Variants in DOCK4 observed in about 807,000 individuals in gnomAD.
DOCK4 encodes the protein dedicator of cytokinesis 4, also known as dedicator of cytokinesis protein 4.
Under a neutral mutation model 268.1 loss-of-function variants are expected in DOCK4, and 97 were observed. The observed-to-expected ratio is 0.36, with a 90% CI of 0.31 to 0.43. The LOEUF (loss-of-function observed/expected upper bound fraction) is 0.43. DOCK4 is among the 20% of genes least tolerant of loss of function. The pLI is 1.00. For synonymous variants in DOCK4, 954 were observed against 887.2 expected, an observed-to-expected ratio of 1.08 and a Z score of -1.34; for missense variants, 2,145 against 2,455.7, an observed-to-expected ratio of 0.87 and a Z score of 2.67.
At chr7:111,777,427 G>C (rs1342261807) in intron 36 of DOCK4, among the ~76,000 whole-genome samples, 1 of 151,976 alleles carries the variant, frequency 6.6e-6, no homozygotes, top group Non-Finnish European at 1.5e-5. Context: ...TAATAGAAAT[G>C]GTAAACATCT....
intron 28 of DOCK4, among the ~76,000 whole-genome samples, chr7:111,810,017 A>C (rs980436726): frequency 1.6e-4 from 24 of 152,298 alleles, no homozygotes; most frequent in East Asian, 9.6e-4. Context: ...AATGGAAGGA[A>C]CACACTTCTC....
In DOCK4 at chr7:112,151,445, G is replaced by A. The variant is rs970254886; in HGVS notation, c.37+54657C>T. On this transcript the variant is annotated intron_variant, in intron 1 of 52. Coordinates refer to ENST00000428084, the MANE Select transcript of DOCK4 (RefSeq NM_001363540.2). The stretch of plus-strand genomic sequence containing the variant: ...GAGAGTGAGTCAGTGGCATACCCAC[G>A]GCACCACAGTTGTCACACAGCTAGG... Among the ~76,000 whole-genome samples, 8 of 152,060 alleles carry A rather than the reference G, an allele frequency of 5.3e-5. No individual in the cohort carries two copies. The East Asian group carries it at 7.7e-4, about 15-fold the overall frequency.
intron 1 of DOCK4, among the ~76,000 whole-genome samples, chr7:112,101,487 T>C (rs1217616062): frequency 1.3e-5 from 2 of 152,218 alleles, no homozygotes; most frequent in Non-Finnish European, 2.9e-5. Flanking sequence ...TTACAAAGGC[T>C]ACCAATCAGA....
chr7:111,826,336 T>G (rs1802383468), intron 26 of DOCK4, among the ~76,000 whole-genome samples: 2 of 152,188 alleles, frequency 1.3e-5, no homozygotes, highest in South Asian at 4.1e-4. Context: ...TTTTCCATAG[T>G]AAGGAGTCTG....
chr7:112,094,895 C>T (rs756540410), intron 1 of DOCK4, among the ~76,000 whole-genome samples: 5 of 152,288 alleles, frequency 3.3e-5, no homozygotes, highest in South Asian at 2.1e-4. Context: ...CTCCTCCATT[C>T]GTCTTTTGCC....
chr7:112,130,628 G>T (rs1242497087), intron 1 of DOCK4, among the ~76,000 whole-genome samples: 1 of 152,170 alleles, frequency 6.6e-6, no homozygotes, highest in Non-Finnish European at 1.5e-5. Flanking sequence ...AATCTCAAGA[G>T]CAGGTTGAAT....
chr7:112,136,169 G>A (rs1814325579), intron 1 of DOCK4, among the ~76,000 whole-genome samples: 1 of 152,042 alleles, frequency 6.6e-6, no homozygotes, highest in Non-Finnish European at 1.5e-5. Context: ...AAGCTCTGAA[G>A]ACAATAAAAA....
intron 13 of DOCK4, 63 bp downstream of exon 13, chr7:111,915,716 C>T (rs1263983882): frequency 1.9e-6 from 3 of 1,556,796 alleles, no homozygotes; most frequent in East Asian, 4.6e-5. Flanking sequence ...AAAAATTTCT[C>T]AAACATCAAA....
chr7:111,793,660 T>C (rs112482640), intron 30 of DOCK4, among the ~76,000 whole-genome samples: 2,386 of 152,310 alleles, frequency 0.016, 40 homozygotes, highest in Admixed American at 0.06. Context: ...GGAAAAATAC[T>C]TGTAAATAGC....
At chr7:111,791,276 T>TACACAC (rs147004808) in intron 30 of DOCK4, among the ~76,000 whole-genome samples, 1,484 of 134,818 alleles carry the variant, frequency 0.011, 13 homozygotes, top group African/African-American at 0.016. Flanking sequence ...ATTTAAAAAA[T>TACACAC]ACACACACAC....
intron 1 of DOCK4, among the ~76,000 whole-genome samples, chr7:112,204,378 T>G (rs367748386): frequency 6.6e-6 from 1 of 152,216 alleles, no homozygotes; most frequent in African/African-American, 2.4e-5. Context: ...CTGAGCTTCC[T>G]GCACTGAGTG....
At chr7:111,749,904 C>G (rs189422906) in intron 42 of DOCK4, among the ~76,000 whole-genome samples, 4 of 152,142 alleles carry the variant, frequency 2.6e-5, no homozygotes, top group Non-Finnish European at 5.9e-5. Flanking sequence ...ACGATATATC[C>G]CATTGCTGAG....
Position 111,877,116 on chromosome 7 carries a change from A to T in DOCK4, c.1658T>A (p.Leu553His), listed in dbSNP as rs1401502385. 6.3e-7 allele frequency: 1 copy of T among 1,593,718 alleles called. No homozygotes were observed. Among genetic ancestry groups the T allele is most frequent in the South Asian group, 1.1e-5 (1 of 87,258 alleles). Residue 553 changes from leucine to histidine, a missense_variant, in exon 17 of 53, where the codon CTT becomes CAT. By Grantham distance (99) the Leu-to-His change is moderately conservative (BLOSUM62 -3). Around this residue, in one of 2 missense-constraint regions of DOCK4, gnomAD observed 1,598 missense variants for 1,986.7 expected, o/e 0.80. Transcript: ENST00000428084. Reference sequence around the variant, plus strand: ...CTTCATGGCTTGATTATTATTCCCAAGGAAAATGCCCTTGGAAAAGGGAAG... The same window carrying T: ...CTTCATGGCTTGATTATTATTCCCATGGAAAATGCCCTTGGAAAAGGGAAG... ...LKLPFSKGIF[L>H]GNNNQAMKAT...
At chr7:112,107,627 T>C (rs1422730047) in intron 1 of DOCK4, among the ~76,000 whole-genome samples, 2 of 152,176 alleles carry the variant, frequency 1.3e-5, no homozygotes, top group Non-Finnish European at 2.9e-5. Context: ...GAACTAATAA[T>C]GCATACTATA....
intron 16 of DOCK4, among the ~76,000 whole-genome samples, chr7:111,890,322 A>C (rs1175045624): frequency 6.6e-6 from 1 of 152,224 alleles, no homozygotes; most frequent in Non-Finnish European, 1.5e-5. Context: ...AAAGTTAAGG[A>C]AGACAATAAT....
intron 1 of DOCK4, among the ~76,000 whole-genome samples, chr7:112,161,391 T>C (rs893165895): frequency 6.6e-6 from 1 of 152,028 alleles, no homozygotes; most frequent in African/African-American, 2.4e-5. Context: ...AGACACATAG[T>C]AATGGGAAGG....
At chr7:112,176,965 A>T (rs1423467107) in intron 1 of DOCK4, among the ~76,000 whole-genome samples, 1 of 152,194 alleles carries the variant, frequency 6.6e-6, no homozygotes, top group African/African-American at 2.4e-5. Flanking sequence ...TTAGTGACAT[A>T]AGTTCCCTAG....
chr7:112,189,746 G>GTTTTTTTTTT (rs57399750), intron 1 of DOCK4, among the ~76,000 whole-genome samples: 3 of 95,768 alleles, frequency 3.1e-5, no homozygotes, highest in African/African-American at 4.2e-5. Flanking sequence ...TCTGGGTTTT[G>GTTTTTTTTTT]TTTTTTTTTT....
chr7:111,945,836 T>G (rs1234751038), intron 8 of DOCK4, 38 bp from the exon 9 acceptor site: 1 of 1,474,872 alleles, frequency 6.8e-7, no homozygotes, highest in East Asian at 2.5e-5. Context: ...TGAAAATTAT[T>G]TAATAGTTAA....
Sources: gnomAD v4.1 joint callset for allele counts (sites outside exome capture counted in the v4.1 genomes callset) on GRCh38, gnomAD v4.1.1 for gene constraint, gnomAD v4.1.1 regional missense constraint, MANE v1.5 for transcripts, NCBI Gene and HGNC (gene_info 2026-07-23, HGNC 2026-07-21) for gene names.